The following ZFAT variants were observed in gnomAD, a reference collection of about 807,000 sequenced individuals.
ZFAT encodes zinc finger protein ZFAT.
A neutral mutation model predicts 117.7 loss-of-function variants in ZFAT; 64 were observed. That is an observed-to-expected ratio of 0.54 (90% CI 0.44 to 0.67). The LOEUF is 0.67. ZFAT is among the 30% of genes least tolerant of loss of function. ZFAT has a pLI of 0.00. For synonymous variants in ZFAT, 679 were observed against 615.0 expected (o/e 1.10, Z -1.54); for missense variants, 1,433 against 1,584.5 (o/e 0.90, Z 1.62).
At chr8:134,565,584 G>C (rs1406320130) in intron 10 of ZFAT, 163 bp from the exon 11 acceptor site, 2 of 745,068 alleles carry the variant, frequency 2.7e-6, no homozygotes, top group East Asian at 5.4e-5. Flanking sequence ...AATGCAGCAT[G>C]CTCAGTCTTC....
intron 15 of ZFAT, among the ~76,000 whole-genome samples, chr8:134,480,977 T>A (rs1817264095): frequency 6.6e-6 from 1 of 152,124 alleles, no homozygotes; most frequent in African/African-American, 2.4e-5. Context: ...TCCAAAATTA[T>A]GGATTGGAAG....
At chr8:134,708,478 GATT>G (rs1813866937) in intron 1 of ZFAT, among the ~76,000 whole-genome samples, 1 of 151,738 alleles carries the variant, frequency 6.6e-6, no homozygotes, top group Non-Finnish European at 1.5e-5. Context: ...TTTAAAAAAA[GATT>G]ATGTTACCCA....
At chr8:134,676,255 C>CAAAAAA (rs146638821) in intron 1 of ZFAT, among the ~76,000 whole-genome samples, 4 of 80,580 alleles carry the variant, frequency 5.0e-5, no homozygotes, top group African/African-American at 1.0e-4. Flanking sequence ...AAATGGAAAG[C>CAAAAAA]AAAAAAAAAA....
chr8:134,500,082 C>T (rs958626816), intron 15 of ZFAT, among the ~76,000 whole-genome samples: 5 of 152,212 alleles, frequency 3.3e-5, no homozygotes, highest in African/African-American at 1.2e-4. Flanking sequence ...GACAGCTCTG[C>T]CTCACTCCCG....
At chr8:134,807,701 C>T in the ZFAT span, among the ~76,000 whole-genome samples, 1 of 150,964 alleles carries the variant, frequency 6.6e-6, no homozygotes, top group Non-Finnish European at 1.5e-5. Flanking sequence ...GCAGAAAATG[C>T]CCCCAATTAC....
At chr8:134,783,106 A>T in the ZFAT span, among the ~76,000 whole-genome samples, 2 of 152,310 alleles carry the variant, frequency 1.3e-5, no homozygotes, top group Non-Finnish European at 2.9e-5. Flanking sequence ...ATAATACACT[A>T]TATCAACCTT....
intron 5 of ZFAT, among the ~76,000 whole-genome samples, chr8:134,607,247 T>C (rs1187976513): frequency 2.6e-5 from 4 of 152,232 alleles, no homozygotes; most frequent in Non-Finnish European, 5.9e-5. Context: ...AGAGACTTAA[T>C]TCTATTATGA....
chr8:134,648,628 C>T (rs1831035466), intron 2 of ZFAT, among the ~76,000 whole-genome samples: 1 of 151,966 alleles, frequency 6.6e-6, no homozygotes, highest in Non-Finnish European at 1.5e-5. Context: ...AAGATGCATA[C>T]ACCTATAACA....
intron 12 of ZFAT, among the ~76,000 whole-genome samples, chr8:134,528,797 G>T (rs2130533281): frequency 6.6e-6 from 1 of 152,308 alleles, no homozygotes; most frequent in South Asian, 2.1e-4. Context: ...GCTTTGGCGG[G>T]AGCTGCCTAG....
intron 3 of ZFAT, among the ~76,000 whole-genome samples, chr8:134,625,828 G>A (rs923559470): frequency 3.3e-5 from 5 of 152,102 alleles, no homozygotes; most frequent in Non-Finnish European, 7.4e-5. Context: ...GTACTTCTCC[G>A]GTCTCAGGCA....
At chr8:134,669,334 G>A (rs560511814) in intron 1 of ZFAT, among the ~76,000 whole-genome samples, 1 of 152,286 alleles carries the variant, frequency 6.6e-6, no homozygotes, top group South Asian at 2.1e-4. Context: ...AGGAAAAAAT[G>A]TTAAGGGCAC....
the ZFAT span, among the ~76,000 whole-genome samples, chr8:134,774,359 T>C: frequency 6.6e-6 from 1 of 152,306 alleles, no homozygotes; most frequent in South Asian, 2.1e-4. Flanking sequence ...CATCCTAAGC[T>C]ACAGATATCT....
rs755642186 is a variant in ZFAT, at chr8:134,509,608, A to T, written c.3492+11T>A. The T allele has an allele frequency of 6.2e-7, 1 of 1,613,210 alleles. No individual in the cohort carries two copies. The highest frequency in any genetic ancestry group is 8.5e-7 in the Non-Finnish European group (1 of 1,179,632). On this transcript the variant is annotated intron_variant, in intron 15 of 15. Transcript: ENST00000377838. ...CACAGAGATGAATAGTTACAGAAGG[A>T]GGGTCCCTACCTGCTTAACCACAGT...
the ZFAT span, among the ~76,000 whole-genome samples, chr8:134,801,016 C>T: frequency 5.3e-5 from 8 of 152,134 alleles, no homozygotes; most frequent in African/African-American, 1.9e-4. Context: ...TTCCTATATC[C>T]TTCCCTTCAA....
Position 134,478,288 on chromosome 8 carries a change from C to T in ZFAT, c.*194G>A. On this transcript the variant is annotated 3_prime_UTR_variant, in exon 16 of 16. Transcript: ENST00000377838. The surrounding 1 kb of genome is among the most constrained non-coding windows in gnomAD (Gnocchi z 5.2). Reference sequence around the variant, plus strand: ...TGTGTGTCTATGCTGGGGTGAGGGTCCTGTGGTATTGCTGGTGATGCTGAC... The same window carrying T: ...TGTGTGTCTATGCTGGGGTGAGGGTTCTGTGGTATTGCTGGTGATGCTGAC... 1 of 689,930 alleles carries T rather than the reference C, an allele frequency of 1.4e-6. No homozygotes were observed. Among genetic ancestry groups the T allele is most frequent in the Non-Finnish European group, 2.4e-6 (1 of 418,452 alleles). The allele number at this position is 689,930 out of a possible 1,614,324, so 42.7% of individuals were successfully genotyped here. A position where few individuals can be genotyped will look rare whatever the true frequency, so the allele number is the denominator to read the frequency against.
At chr8:134,807,614 T>C in the ZFAT span, among the ~76,000 whole-genome samples, 1 of 149,932 alleles carries the variant, frequency 6.7e-6, no homozygotes, top group East Asian at 2.0e-4. Context: ...ACACAAAGAG[T>C]AGTAGCAGGG....
the ZFAT span, among the ~76,000 whole-genome samples, chr8:134,733,704 G>T: frequency 9.8e-5 from 15 of 152,352 alleles, no homozygotes; most frequent in Admixed American, 2.0e-4. Flanking sequence ...TCCCTCTGAA[G>T]TTCCCTCTAT....
At chr8:134,633,260 C>T (rs1280763156) in intron 3 of ZFAT, among the ~76,000 whole-genome samples, 1 of 152,080 alleles carries the variant, frequency 6.6e-6, no homozygotes, top group Admixed American at 6.6e-5. Context: ...CTCTTAGCTG[C>T]TATGAGAATT....
chr8:134,525,579 G>C (rs925363888), intron 12 of ZFAT, among the ~76,000 whole-genome samples: 3 of 152,152 alleles, frequency 2.0e-5, no homozygotes, highest in Admixed American at 6.5e-5. Context: ...AATCAATTCC[G>C]TGTCAGTGGA....
Sources: allele counts gnomAD v4.1 joint callset (sites outside exome capture counted in the v4.1 genomes callset), GRCh38; gene constraint gnomAD v4.1.1; non-coding constraint Gnocchi (gnomAD v3.1); transcripts MANE v1.5; gene names NCBI Gene and HGNC (gene_info 2026-07-23, HGNC 2026-07-21).